Variants in STK38L observed in about 807,000 individuals in gnomAD.
STK38L encodes serine/threonine-protein kinase 38-like.
STK38L carries 28 observed loss-of-function variants against 59.7 expected under a neutral mutation model. That is an observed-to-expected ratio of 0.47 (90% CI 0.35 to 0.64). STK38L has a LOEUF of 0.64. STK38L is among the 30% of genes least tolerant of loss of function. STK38L has a pLI of 0.01. For synonymous variants in STK38L, 162 were observed against 176.8 expected (o/e 0.92, Z 0.66); for missense variants, 314 against 555.8 (o/e 0.56, Z 4.37).
intron 1 of STK38L, among the ~76,000 whole-genome samples, chr12:27,276,321 A>G (rs1342489829): frequency 6.6e-6 from 1 of 152,234 alleles, no homozygotes; most frequent in Non-Finnish European, 1.5e-5. Flanking sequence ...AAACTTCTAA[A>G]TATGAGTTTC....
chr12:27,250,683 A>G (rs1229207272), intron 1 of STK38L, among the ~76,000 whole-genome samples: 2 of 152,038 alleles, frequency 1.3e-5, no homozygotes, highest in Non-Finnish European at 2.9e-5. Flanking sequence ...ACACACAGGT[A>G]GATAGTAAGT....
At chr12:27,259,982 A>C (rs1483316896) in intron 1 of STK38L, among the ~76,000 whole-genome samples, 4 of 152,162 alleles carry the variant, frequency 2.6e-5, no homozygotes, top group Admixed American at 6.5e-5. Flanking sequence ...TTATAGCCAG[A>C]ACTCTGTTTC....
rs376346372 is a variant in STK38L at position 27,308,487 on chromosome 12, C to T, written c.309+26C>T. ...GTGTGCTTCTTTTTAAAAGTCACTACTGCTGCAAATATATATCTTAAGATA... is the reference window on the plus strand; with the variant it reads ...GTGTGCTTCTTTTTAAAAGTCACTATTGCTGCAAATATATATCTTAAGATA... On this transcript the variant is annotated intron_variant, in intron 4 of 13. Transcript: ENST00000389032. The surrounding 1 kb of genome is among the most constrained non-coding windows in gnomAD (Gnocchi z 4.5). 3.9e-6 allele frequency: 6 copies of T among 1,540,640 alleles called. No individual in the cohort carries two copies. The highest frequency in any genetic ancestry group is 8.7e-7 in the Non-Finnish European group (1 of 1,147,142).
intron 3 of STK38L, among the ~76,000 whole-genome samples, chr12:27,304,158 C>G (rs1944248795): frequency 6.7e-6 from 1 of 149,956 alleles, no homozygotes; most frequent in Admixed American, 6.7e-5. Flanking sequence ...ACTCAGGAGG[C>G]TCAGGTGGGA....
In STK38L at chr12:27,324,340, ATT is replaced by A. The variant is rs1304659265; in HGVS notation, c.*1888_*1889del. ...ATTAACTTTTGCTGAGGTTTATGAG[ATT>A]TTCTCACCCCACATCGCTCCCCTTT... On this transcript the variant is annotated 3_prime_UTR_variant, in exon 14 of 14. Coordinates refer to ENST00000389032, the MANE Select transcript of STK38L (RefSeq NM_015000.4). 2 of 151,924 alleles carry A rather than the reference ATT, an allele frequency of 1.3e-5. No homozygotes were observed. Among genetic ancestry groups the A allele is most frequent in the Non-Finnish European group, 2.9e-5 (2 of 67,926 alleles). 9.4% of individuals were successfully genotyped at this position (151,924 alleles called of 1,614,324 possible).
In STK38L at chr12:27,325,148, A is replaced by C. The variant is rs1422316094; in HGVS notation, c.*2693A>C. ...TTACTAACATAGCTTTAAATCTTTA[A>C]ATGTATTGAAGCATTGTGCTGTCTG... On this transcript the variant is annotated 3_prime_UTR_variant, in exon 14 of 14. Coordinates refer to ENST00000389032, the MANE Select transcript of STK38L (RefSeq NM_015000.4). 1 of 152,100 alleles carries C rather than the reference A, an allele frequency of 6.6e-6. No individual in the cohort carries two copies. Among genetic ancestry groups the C allele is most frequent in the East Asian group, 1.9e-4 (1 of 5,200 alleles). 9.4% of individuals were successfully genotyped at this position (152,100 alleles called of 1,614,324 possible).
intron 1 of STK38L, among the ~76,000 whole-genome samples, chr12:27,247,408 A>G (rs1346258276): frequency 6.6e-6 from 1 of 152,242 alleles, no homozygotes; most frequent in Non-Finnish European, 1.5e-5. Context: ...GACTTGGGAA[A>G]TACATTCTTC....
rs1944782535 is a variant in STK38L at position 27,323,750 on chromosome 12, G to T, written c.*1295G>T. 6.6e-6 allele frequency: 1 copy of T among 152,340 alleles called. No individual in the cohort carries two copies. The highest frequency in any genetic ancestry group is 2.1e-4 in the South Asian group (1 of 4,822). The allele number at this position is 152,340 out of a possible 1,614,324, so 9.4% of individuals were successfully genotyped here. On this transcript the variant is annotated 3_prime_UTR_variant, in exon 14 of 14. Coordinates refer to ENST00000389032, the MANE Select transcript of STK38L (RefSeq NM_015000.4). ...CAGGGGGTTGTGATGAGAGGATAGG[G>T]GAGATAATATCAGCATCAAATTCTT...
intron 1 of STK38L, among the ~76,000 whole-genome samples, chr12:27,263,568 G>A (rs945488816): frequency 2.6e-5 from 4 of 152,138 alleles, no homozygotes; most frequent in African/African-American, 9.7e-5. Context: ...TCCCTAAAGG[G>A]CCTTCATCAT....
At chr12:27,293,837 A>G (rs1943949394) in intron 1 of STK38L, 1 of 152,226 alleles carries the variant, frequency 6.6e-6, no homozygotes, top group Non-Finnish European at 1.5e-5. Context: ...TTTGAAAGGA[A>G]TATATAAGGC....
intron 1 of STK38L, among the ~76,000 whole-genome samples, chr12:27,281,890 G>A (rs1275337178): frequency 6.6e-6 from 1 of 152,010 alleles, no homozygotes; most frequent in Non-Finnish European, 1.5e-5. Context: ...CAAAAAATCA[G>A]CCGGGCGTGA....
chr12:27,301,595 T>C (rs187110106), intron 2 of STK38L, among the ~76,000 whole-genome samples: 6 of 152,294 alleles, frequency 3.9e-5, no homozygotes, highest in East Asian at 1.9e-4. Flanking sequence ...TATATGACTT[T>C]CCAATTTTCA....
chr12:27,266,979 C>T (rs1247615238), intron 1 of STK38L, among the ~76,000 whole-genome samples: 1 of 152,174 alleles, frequency 6.6e-6, no homozygotes, highest in Non-Finnish European at 1.5e-5. Context: ...TTGTAGAACA[C>T]ATTGGACAAA....
intron 12 of STK38L, among the ~76,000 whole-genome samples, chr12:27,320,062 G>A (rs1433585100): frequency 6.6e-6 from 1 of 152,158 alleles, no homozygotes; most frequent in Non-Finnish European, 1.5e-5. Context: ...CAGGAGTTGC[G>A]TCTTGGATGG....
In STK38L at chr12:27,309,111, T is replaced by G. The variant is rs768970249; in HGVS notation, c.310-3T>G. 2.5e-6 allele frequency: 4 copies of G among 1,576,650 alleles called. No homozygotes were observed. The South Asian group carries it at 4.7e-5, about 19-fold the overall frequency. ...TTTATAATATATGTTTTTTATCTTTTAGGTGCGGTTGGTCCAGAAGAAAGA... is the reference window on the plus strand; with the variant it reads ...TTTATAATATATGTTTTTTATCTTTGAGGTGCGGTTGGTCCAGAAGAAAGA... On this transcript the variant is annotated splice_polypyrimidine_tract_variant and splice_region_variant and intron_variant, in intron 4 of 13. Transcript: ENST00000389032.
At chr12:27,297,879 T>C (rs776158809) in intron 2 of STK38L, 25 bp downstream of exon 2, 1 of 1,611,530 alleles carries the variant, frequency 6.2e-7, no homozygotes, top group Non-Finnish European at 8.5e-7. Flanking sequence ...AATCAAAACT[T>C]TTTTTAGTTA....
At chr12:27,319,050 A>C (rs1944660524) in intron 11 of STK38L, among the ~76,000 whole-genome samples, 1 of 152,206 alleles carries the variant, frequency 6.6e-6, no homozygotes, top group South Asian at 2.1e-4. Flanking sequence ...AAATTTTCTC[A>C]GTATATCAAG....
At chr12:27,299,593 C>T (rs1388157315) in intron 2 of STK38L, among the ~76,000 whole-genome samples, 1 of 151,884 alleles carries the variant, frequency 6.6e-6, no homozygotes, top group Non-Finnish European at 1.5e-5. Context: ...AAAAATAGAA[C>T]GATAATATTT....
In STK38L at chr12:27,308,861, TATATATAAATATAA is replaced by T. The variant is rs1414968668; in HGVS notation, c.310-245_310-232del. On this transcript the variant is annotated intron_variant, in intron 4 of 13. Transcript: ENST00000389032. The surrounding 1 kb of genome is among the most constrained non-coding windows in gnomAD (Gnocchi z 4.5). ...GTGTTTGTATGTATATATAAAAAAA[TATATATAAATATAA>T]ATATATATAAATGTAAATATATAAA... Among the ~76,000 whole-genome samples, 3 of 122,390 alleles carry T rather than the reference TATATATAAATATAA, an allele frequency of 2.5e-5. No homozygotes were observed. The highest frequency in any genetic ancestry group is 7.7e-5 in the Admixed American group (1 of 13,022). The allele number at this position is 122,390 out of a possible 152,430, so 80.3% of individuals were successfully genotyped here.
Sources: gnomAD v4.1 joint callset for allele counts (sites outside exome capture counted in the v4.1 genomes callset) on GRCh38, gnomAD v4.1.1 for gene constraint, Gnocchi (gnomAD v3.1) non-coding constraint, MANE v1.5 for transcripts, NCBI Gene and HGNC (gene_info 2026-07-23, HGNC 2026-07-21) for gene names.